The following ARMC1 variants were observed in gnomAD, a reference collection of about 807,000 sequenced individuals.
ARMC1 encodes armadillo repeat containing 1, also known as armadillo repeat-containing protein 1.
ARMC1 carries 16 observed loss-of-function variants against 31.4 expected under a neutral mutation model. That is an observed-to-expected ratio of 0.51 (90% CI 0.34 to 0.77). ARMC1 has a LOEUF of 0.77. Ranked by LOEUF, ARMC1 falls within the 30% of genes least tolerant of loss-of-function variation. The pLI is 0.01. For synonymous variants in ARMC1, 114 were observed against 118.9 expected (o/e 0.96, Z 0.27); for missense variants, 259 against 347.5 (o/e 0.75, Z 2.02).
rs186290942 is a variant in ARMC1, at chr8:65,602,619, C to T, written c.*1775G>A. The T allele has an allele frequency of 1.7e-3, 253 of 152,232 alleles. No homozygotes were observed. Among genetic ancestry groups the T allele is most frequent in the African/African-American group, 6.0e-3 (248 of 41,554 alleles). The allele number at this position is 152,232 out of a possible 1,614,324, so 9.4% of individuals were successfully genotyped here. On this transcript the variant is annotated 3_prime_UTR_variant, in exon 7 of 7. Transcript: ENST00000276569. ...GCTGTAATACCTACTTGTCCTGAAA[C>T]ATTACTACCAAAGGGATGTAGTTTT...
At position 65,633,868 on chromosome 8, in the gene ARMC1, C is replaced by G. The variant is rs1230850183; in HGVS notation, c.-36+130G>C. 51 of 152,290 alleles carry G rather than the reference C, an allele frequency of 3.3e-4. 1 individual carries two copies. The highest frequency in any genetic ancestry group is 3.3e-3 in the Admixed American group (51 of 15,282). 9.4% of individuals were successfully genotyped at this position (152,290 alleles called of 1,614,324 possible). On this transcript the variant is annotated intron_variant, in intron 1 of 6. Transcript: ENST00000276569. ...GCGTGCTAAAGCGCCTCACTGGGAC[C>G]CACTACTGGATCTGACAAGAGGCAG...
chr8:65,609,627 A>G (rs1007251457), intron 4 of ARMC1, among the ~76,000 whole-genome samples: 8 of 152,186 alleles, frequency 5.3e-5, no homozygotes, highest in African/African-American at 1.9e-4. Flanking sequence ...TGGGAGGCCA[A>G]GGCGGGTGGA....
chr8:65,609,971 T>A (rs918697918), intron 4 of ARMC1, among the ~76,000 whole-genome samples: 1 of 151,938 alleles, frequency 6.6e-6, no homozygotes, highest in Non-Finnish European at 1.5e-5. Flanking sequence ...TACCCCTAAA[T>A]ATGTAAAGTT....
rs181747396 is a variant in ARMC1, at chr8:65,617,704, T to C, written c.276-4271A>G. On this transcript the variant is annotated intron_variant, in intron 3 of 6. Transcript: ENST00000276569. ...GGGAACGACTAGACAGGGGCAAGGG[T>C]TGAAAAACCAACTGTTGGGTACTAC... Among the ~76,000 whole-genome samples, 26 of 151,648 alleles carry C rather than the reference T, an allele frequency of 1.7e-4. No individual in the cohort carries two copies. The East Asian group carries it at 4.1e-3, about 24-fold the overall frequency.
chr8:65,630,942 C>T (rs1200336656), intron 1 of ARMC1, among the ~76,000 whole-genome samples: 1 of 152,184 alleles, frequency 6.6e-6, no homozygotes, highest in Admixed American at 6.6e-5. Flanking sequence ...GCTCTGTATC[C>T]ACAGGTTTCA....
At chr8:65,626,140 C>T (rs899857645) in intron 2 of ARMC1, among the ~76,000 whole-genome samples, 1 of 152,164 alleles carries the variant, frequency 6.6e-6, no homozygotes, top group South Asian at 2.1e-4. Flanking sequence ...ATCCACCCAC[C>T]TCGGCCTCCC....
chr8:65,622,354 C>T lies in ARMC1; in HGVS notation c.184G>A (p.Ala62Thr), dbSNP rs749931107. 4 of 1,612,746 alleles carry T rather than the reference C, an allele frequency of 2.5e-6. No individual in the cohort carries two copies. In the East Asian group the frequency reaches 8.9e-5, roughly 36 times the overall value. ...NPPVVHSALL[A>T]LRYLAECRAN... Reference sequence around the variant, plus strand: ...CGGCATTCTGCCAAGTATCGAAGAGCCTACAGCAGAAGAAGTAATAAGTTA... The same window carrying T: ...CGGCATTCTGCCAAGTATCGAAGAGTCTACAGCAGAAGAAGTAATAAGTTA... Residue 62 changes from alanine (A) to threonine (T), a missense_variant and splice_region_variant, in exon 3 of 7, where the codon GCT becomes ACT. By Grantham distance (58) the Ala-to-Thr change is moderately conservative. Around this residue, in one of 3 missense-constraint regions of ARMC1, gnomAD observed 163 missense variants for 186.7 expected, o/e 0.87. Coordinates refer to ENST00000276569, the MANE Select transcript of ARMC1 (RefSeq NM_018120.6).
intron 3 of ARMC1, among the ~76,000 whole-genome samples, chr8:65,621,496 A>G (rs1808392640): frequency 1.3e-5 from 2 of 152,158 alleles, no homozygotes; most frequent in African/African-American, 2.4e-5. Context: ...ATGAGAGATC[A>G]GCAACCATGG....
intron 3 of ARMC1, among the ~76,000 whole-genome samples, chr8:65,616,144 C>T (rs548621763): frequency 4.6e-4 from 70 of 152,284 alleles, no homozygotes; most frequent in Middle Eastern, 3.4e-3. Flanking sequence ...GTAATTCCCT[C>T]TCCCCTCTCC....
intron 4 of ARMC1, among the ~76,000 whole-genome samples, chr8:65,610,408 A>G (rs764988343): frequency 6.7e-5 from 10 of 150,322 alleles, no homozygotes; most frequent in Non-Finnish European, 1.2e-4. Flanking sequence ...ACAAAATAAA[A>G]TTTAAGGCCG....
chr8:65,632,482 G>A (rs996939743), intron 1 of ARMC1, among the ~76,000 whole-genome samples: 1 of 152,048 alleles, frequency 6.6e-6, no homozygotes, highest in Non-Finnish European at 1.5e-5. Context: ...GCGTGGTGGG[G>A]GGCACCTGTA....
Position 65,627,142 on chromosome 8 carries a change from T to C in ARMC1, c.183+74A>G, listed in dbSNP as rs1254314633. 4 of 1,390,414 alleles carry C rather than the reference T, an allele frequency of 2.9e-6. No homozygotes were observed. The African/African-American group carries it at 4.3e-5, about 15-fold the overall frequency. The allele number at this position is 1,390,414 out of a possible 1,614,324, so 86.1% of individuals were successfully genotyped here. On this transcript the variant is annotated intron_variant, in intron 2 of 6. Transcript: ENST00000276569. ...CTCTTTCCGTTTTTTTACCTTGTCA[T>C]CTAGCACTTTTTCCAAATTCTCACC...
chr8:65,617,875 T>G (rs1004565289), intron 3 of ARMC1, among the ~76,000 whole-genome samples: 26 of 150,854 alleles, frequency 1.7e-4, no homozygotes, highest in African/African-American at 5.9e-4. Context: ...GTAACAGTAG[T>G]TCTTAGCCAA....
At chr8:65,622,552 C>T (rs574410324) in intron 2 of ARMC1, among the ~76,000 whole-genome samples, 198 bp from the exon 3 acceptor site, 1 of 152,274 alleles carries the variant, frequency 6.6e-6, no homozygotes, top group South Asian at 2.1e-4. Flanking sequence ...ATCTACTCTT[C>T]GAAATGAAGG....
At position 65,604,110 on chromosome 8, in the gene ARMC1, T is replaced by C. The variant is rs2129040464; in HGVS notation, c.*284A>G. On this transcript the variant is annotated 3_prime_UTR_variant, in exon 7 of 7. Coordinates refer to ENST00000276569, the MANE Select transcript of ARMC1 (RefSeq NM_018120.6). The stretch of plus-strand genomic sequence containing the variant: ...TAAAATGTAAAGCTGCACATACACA[T>C]GTGGTTTTAACAGTGGACCCATGGT... 1 of 268,220 alleles carries C rather than the reference T, an allele frequency of 3.7e-6. No individual in the cohort carries two copies. The highest frequency in any genetic ancestry group is 7.1e-6 in the Non-Finnish European group (1 of 140,930). The allele number at this position is 268,220 out of a possible 1,614,324, so 16.6% of individuals were successfully genotyped here.
chr8:65,629,137 A>C (rs567148030), intron 1 of ARMC1, among the ~76,000 whole-genome samples: 6 of 151,038 alleles, frequency 4.0e-5, no homozygotes, highest in Non-Finnish European at 8.9e-5. Context: ...CCTGGATGAC[A>C]GGGCGAGACT....
chr8:65,605,847 G>A (rs1348868514), intron 4 of ARMC1, among the ~76,000 whole-genome samples: 2 of 152,088 alleles, frequency 1.3e-5, no homozygotes, highest in Non-Finnish European at 1.5e-5. Flanking sequence ...AACACAGGGG[G>A]AAAAAATACC....
chr8:65,623,055 A>G (rs1459826972), intron 2 of ARMC1, among the ~76,000 whole-genome samples: 1 of 151,434 alleles, frequency 6.6e-6, no homozygotes, highest in Non-Finnish European at 1.5e-5. Context: ...CACGCCTGTA[A>G]TCTCAGCACT....
intron 1 of ARMC1, among the ~76,000 whole-genome samples, chr8:65,628,166 A>G (rs1563420993): frequency 1.3e-5 from 2 of 152,190 alleles, no homozygotes; most frequent in Non-Finnish European, 2.9e-5. Flanking sequence ...AAATCTAGTT[A>G]GCATAGAACT....
Sources: gnomAD v4.1 joint callset for allele counts (sites outside exome capture counted in the v4.1 genomes callset) on GRCh38, gnomAD v4.1.1 for gene constraint, gnomAD v4.1.1 regional missense constraint, MANE v1.5 for transcripts, NCBI Gene and HGNC (gene_info 2026-07-23, HGNC 2026-07-21) for gene names.